PRIMA1: variants seen among roughly 807,000 people sequenced by gnomAD.
PRIMA1 encodes proline rich membrane anchor 1.
In PRIMA1, 7 loss-of-function variants were observed where a neutral mutation model predicts 17.5. That is an observed-to-expected ratio of 0.40 (90% CI 0.23 to 0.75). The LOEUF is 0.75. PRIMA1 is among the 30% of genes least tolerant of loss of function. PRIMA1 has a pLI of 0.37. For synonymous variants in PRIMA1, 97 were observed against 77.9 expected, an observed-to-expected ratio of 1.25 and a Z score of -1.29; for missense variants, 200 against 201.8, an observed-to-expected ratio of 0.99 and a Z score of 0.05.
At position 93,725,009 on chromosome 14, in the gene PRIMA1, CCA is replaced by C. The variant is rs750022321; in HGVS notation, c.360-3465_360-3464del. Reference sequence around the variant, plus strand: ...AGGAGACAGTTCTAAAGGCTTCCTGCCATCTCTGAGACCCCTTCGTACTCGCG... The same window carrying C: ...AGGAGACAGTTCTAAAGGCTTCCTGCTCTCTGAGACCCCTTCGTACTCGCG... On this transcript the variant is annotated intron_variant, in intron 4 of 4. Coordinates refer to ENST00000393140, the MANE Select transcript of PRIMA1 (RefSeq NM_178013.4). Among the ~76,000 whole-genome samples, 25 of 152,244 alleles carry C rather than the reference CCA, an allele frequency of 1.6e-4. No homozygotes were observed. In the East Asian group the frequency reaches 3.3e-3, roughly 20 times the overall value.
rs916847041 is a variant in PRIMA1, at chr14:93,726,753, G to A, written c.360-5207C>T. 1.3e-5 allele frequency among the ~76,000 whole-genome samples: 2 copies of A among 151,758 alleles called. No individual in the cohort carries two copies. Among genetic ancestry groups the A allele is most frequent in the South Asian group, 2.1e-4 (1 of 4,796 alleles). On this transcript the variant is annotated intron_variant, in intron 4 of 4. Coordinates refer to ENST00000393140, the MANE Select transcript of PRIMA1 (RefSeq NM_178013.4). The surrounding 1 kb of genome is among the most constrained non-coding windows in gnomAD (Gnocchi z 4.2). ...CATATATGTACACACAGGCACATAC[G>A]CATAAATGTACAAATCCACACACAC...
Position 93,726,134 on chromosome 14 carries a change from C to T in PRIMA1, c.360-4588G>A. ...CCCTGGGCTTGGAGGGCAGCAGGCT[C>T]CCACATTCCCTGCTCGGAGTGCCGC... On this transcript the variant is annotated intron_variant, in intron 4 of 4. Transcript: ENST00000393140. This position sits in a 1 kb window ranked among gnomAD's most constrained non-coding sequence, Gnocchi z 4.2. 4.5e-6 allele frequency: 2 copies of T among 446,642 alleles called. No homozygotes were observed. Among genetic ancestry groups the T allele is most frequent in the Non-Finnish European group, 9.0e-6 (2 of 221,764 alleles). 27.7% of individuals were successfully genotyped at this position (446,642 alleles called of 1,614,324 possible). A position where few individuals can be genotyped will look rare whatever the true frequency, so the allele number is the denominator to read the frequency against.
chr14:93,721,635 G>T, intron 4 of PRIMA1, 89 bp from the exon 5 acceptor site: 1 of 770,874 alleles, frequency 1.3e-6, no homozygotes. Flanking sequence ...GTAACCTCCA[G>T]CTAGCATCCC....
chr14:93,747,807 G>A (rs909726017), intron 3 of PRIMA1, among the ~76,000 whole-genome samples: 2 of 148,348 alleles, frequency 1.3e-5, no homozygotes, highest in African/African-American at 5.0e-5. Context: ...TAAGGGGACT[G>A]AGTGTGTGGG....
At chr14:93,780,819 G>C (rs10873438) in intron 2 of PRIMA1, among the ~76,000 whole-genome samples, 2 of 152,016 alleles carry the variant, frequency 1.3e-5, no homozygotes, top group African/African-American at 4.8e-5. Flanking sequence ...TGCCTGTCCC[G>C]GGGAACAAGC....
At chr14:93,779,966 C>G (rs1009589195) in intron 2 of PRIMA1, among the ~76,000 whole-genome samples, 1 of 152,182 alleles carries the variant, frequency 6.6e-6, no homozygotes, top group Non-Finnish European at 1.5e-5. Flanking sequence ...TCCATCCCCC[C>G]AGAAAGACCC....
At chr14:93,725,935 A>T in intron 4 of PRIMA1, 1 of 456,452 alleles carries the variant, frequency 2.2e-6, no homozygotes. Context: ...GGTCTCATTA[A>T]ACCAAGAAGA....
At chr14:93,786,631 C>G (rs1309766845) in intron 2 of PRIMA1, among the ~76,000 whole-genome samples, 2 of 152,094 alleles carry the variant, frequency 1.3e-5, no homozygotes, top group Non-Finnish European at 2.9e-5. Flanking sequence ...GCTACAAATA[C>G]CCCAGAGTGG....
chr14:93,736,293 G>A (rs541790584), intron 4 of PRIMA1, among the ~76,000 whole-genome samples: 1 of 152,280 alleles, frequency 6.6e-6, no homozygotes, highest in South Asian at 2.1e-4. Context: ...GTGCCACCCT[G>A]GGCAGCTCTC....
chr14:93,782,503 C>T (rs1319871053), intron 2 of PRIMA1, among the ~76,000 whole-genome samples: 1 of 151,586 alleles, frequency 6.6e-6, no homozygotes, highest in African/African-American at 2.4e-5. Context: ...TGCCTATAGA[C>T]CCAGCTACTC....
At chr14:93,736,993 C>T (rs1287823679) in intron 4 of PRIMA1, among the ~76,000 whole-genome samples, 2 of 152,090 alleles carry the variant, frequency 1.3e-5, no homozygotes, top group Admixed American at 6.5e-5. Flanking sequence ...CTGAGATCAA[C>T]TTTAAAATAT....
At chr14:93,785,628 C>T (rs79143751) in intron 2 of PRIMA1, among the ~76,000 whole-genome samples, 5,457 of 152,318 alleles carry the variant, frequency 0.036, 136 homozygotes, top group Non-Finnish European at 0.058. Context: ...TCGTGCATTT[C>T]CATTTTTCCT....
chr14:93,743,567 T>C (rs1268405479), intron 3 of PRIMA1, among the ~76,000 whole-genome samples: 3 of 152,234 alleles, frequency 2.0e-5, no homozygotes, highest in Non-Finnish European at 4.4e-5. Context: ...GAGATCAACC[T>C]CCATCTCCCT....
chr14:93,731,306 T>C (rs140935735), intron 4 of PRIMA1, among the ~76,000 whole-genome samples: 2 of 152,036 alleles, frequency 1.3e-5, no homozygotes, highest in Non-Finnish European at 2.9e-5. Context: ...GGAAAGAAAA[T>C]TTAAATAGCA....
At chr14:93,781,298 C>T (rs187333823) in intron 2 of PRIMA1, among the ~76,000 whole-genome samples, 3 of 152,174 alleles carry the variant, frequency 2.0e-5, no homozygotes, top group Admixed American at 1.3e-4. Flanking sequence ...GGAAATCCAC[C>T]GGCTTCTAGA....
At position 93,720,146 on chromosome 14, in the gene PRIMA1, T is replaced by TG. The variant is rs1336729373; in HGVS notation, c.*1297dup. 6.6e-6 allele frequency: 1 copy of TG among 152,136 alleles called. No homozygotes were observed. The highest frequency in any genetic ancestry group is 1.5e-5 in the Non-Finnish European group (1 of 68,048). 9.4% of individuals were successfully genotyped at this position (152,136 alleles called of 1,614,324 possible). A position where few individuals can be genotyped will look rare whatever the true frequency, so the allele number is the denominator to read the frequency against. On this transcript the variant is annotated 3_prime_UTR_variant, in exon 5 of 5. Transcript: ENST00000393140. ...CTTCTGAGCACATATGTAGGGGTGG[T>TG]GGGGAGAGCCAGGGGGCCAGGAGTG...
chr14:93,787,396 A>C (rs1170084150), intron 2 of PRIMA1, among the ~76,000 whole-genome samples: 1 of 152,196 alleles, frequency 6.6e-6, no homozygotes. Flanking sequence ...TTTCCATTCC[A>C]AGGCCAGCCC....
rs1034229456 is a variant in PRIMA1, at chr14:93,719,318, G to T, written c.*2126C>A. On this transcript the variant is annotated 3_prime_UTR_variant, in exon 5 of 5. Transcript: ENST00000393140. ...TAACTGCAAAATCCAGGCCTCCTAG[G>T]TTTAAGCCAAGGTAGGGAATGATGG... 6.6e-6 allele frequency: 1 copy of T among 152,196 alleles called. No individual in the cohort carries two copies. The highest frequency in any genetic ancestry group is 1.5e-5 in the Non-Finnish European group (1 of 68,038). 9.4% of individuals were successfully genotyped at this position (152,196 alleles called of 1,614,324 possible).
chr14:93,727,217 A>G (rs2076083968), intron 4 of PRIMA1, among the ~76,000 whole-genome samples: 1 of 152,058 alleles, frequency 6.6e-6, no homozygotes, highest in South Asian at 2.1e-4. Flanking sequence ...GGAACTGGCG[A>G]CTGTGCATTT....
Sources: gnomAD v4.1 joint callset for allele counts (sites outside exome capture counted in the v4.1 genomes callset) on GRCh38, gnomAD v4.1.1 for gene constraint, Gnocchi (gnomAD v3.1) non-coding constraint, MANE v1.5 for transcripts, NCBI Gene and HGNC (gene_info 2026-07-23, HGNC 2026-07-21) for gene names.